Variants in PLXDC2 observed in about 807,000 individuals in gnomAD.
PLXDC2 encodes plexin domain containing 2.
A neutral mutation model predicts 68.9 loss-of-function variants in PLXDC2; 40 were observed. The ratio of observed to expected loss-of-function variants is 0.58; its 90% CI spans 0.45 to 0.76. The LOEUF (loss-of-function observed/expected upper bound fraction) is 0.76. Among genes scored for constraint, PLXDC2 ranks in the 30% least tolerant of loss-of-function variants. The pLI, the probability that PLXDC2 is intolerant of heterozygous loss-of-function variation, is 0.00. For missense variants in PLXDC2, 644 were observed against 661.9 expected (o/e 0.97, Z 0.30); for synonymous variants, 243 against 234.2 (o/e 1.04, Z -0.34).
chr10:19,841,462 A>G (rs1836903650), intron 1 of PLXDC2, among the ~76,000 whole-genome samples: 2 of 151,946 alleles, frequency 1.3e-5, no homozygotes, highest in South Asian at 4.1e-4. Context: ...GATACAAAAC[A>G]GTATATAGAA....
chr10:20,164,114 G>T (rs1177505729), intron 6 of PLXDC2, among the ~76,000 whole-genome samples: 1 of 151,976 alleles, frequency 6.6e-6, no homozygotes, highest in East Asian at 1.9e-4. Flanking sequence ...ATAGTAAGAG[G>T]AAAATCTGTT....
intron 7 of PLXDC2, among the ~76,000 whole-genome samples, chr10:20,175,857 T>C (rs1834519752): frequency 6.6e-6 from 1 of 152,070 alleles, no homozygotes; most frequent in African/African-American, 2.4e-5. Flanking sequence ...ATAGCCCCAC[T>C]AATTACTGAT....
intron 13 of PLXDC2, among the ~76,000 whole-genome samples, chr10:20,248,319 A>G (rs1835627731): frequency 6.6e-6 from 1 of 152,164 alleles, no homozygotes. Context: ...TGGAGTGTTT[A>G]CATGTGTATA....
intron 13 of PLXDC2, among the ~76,000 whole-genome samples, chr10:20,252,185 C>G (rs1195942209): frequency 1.3e-5 from 2 of 152,136 alleles, no homozygotes; most frequent in Non-Finnish European, 2.9e-5. Context: ...TGGAGAAATA[C>G]AGAGTATAGA....
intron 1 of PLXDC2, among the ~76,000 whole-genome samples, chr10:19,880,488 C>T (rs1025427746): frequency 7.9e-5 from 12 of 152,310 alleles, no homozygotes; most frequent in African/African-American, 2.9e-4. Flanking sequence ...TGCAATCTCT[C>T]TCTTTCTCTC....
intron 9 of PLXDC2, among the ~76,000 whole-genome samples, chr10:20,183,783 G>A (rs981813277): frequency 2.0e-5 from 3 of 152,000 alleles, no homozygotes; most frequent in African/African-American, 7.2e-5. Context: ...CATTTTGGCT[G>A]TTACTATCCA....
intron 6 of PLXDC2, among the ~76,000 whole-genome samples, chr10:20,161,832 G>A (rs576906051): frequency 8.5e-5 from 13 of 152,054 alleles, no homozygotes; most frequent in Admixed American, 3.9e-4. Context: ...AGGAGTTCAA[G>A]ACCATCCTGA....
At chr10:20,215,350 A>G (rs911367780) in intron 10 of PLXDC2, among the ~76,000 whole-genome samples, 15 of 152,132 alleles carry the variant, frequency 9.9e-5, no homozygotes, top group Non-Finnish European at 2.2e-4. Context: ...CAAGATTGTC[A>G]TAAAAGGGAA....
At chr10:20,004,607 G>A (rs890146386) in intron 2 of PLXDC2, among the ~76,000 whole-genome samples, 1 of 152,138 alleles carries the variant, frequency 6.6e-6, no homozygotes, top group Non-Finnish European at 1.5e-5. Flanking sequence ...CAAAAAATCT[G>A]CACCCCCTAA....
intron 7 of PLXDC2, among the ~76,000 whole-genome samples, chr10:20,172,197 A>G (rs1009705207): frequency 6.8e-6 from 1 of 146,372 alleles, no homozygotes; most frequent in African/African-American, 2.5e-5. Context: ...ACCCAATTCA[A>G]TTTAATGAAG....
At chr10:19,915,111 C>G (rs1355703999) in intron 1 of PLXDC2, among the ~76,000 whole-genome samples, 1 of 152,126 alleles carries the variant, frequency 6.6e-6, no homozygotes, top group Admixed American at 6.6e-5. Flanking sequence ...AACATTTACA[C>G]TTAATAAAAT....
At chr10:19,996,400 A>G (rs1450270779) in intron 1 of PLXDC2, among the ~76,000 whole-genome samples, 3 of 152,248 alleles carry the variant, frequency 2.0e-5, no homozygotes, top group Non-Finnish European at 2.9e-5. Flanking sequence ...TGGGCTACAA[A>G]GTGAGACCCC....
chr10:19,939,023 G>T (rs977994347), intron 1 of PLXDC2, among the ~76,000 whole-genome samples: 17 of 152,182 alleles, frequency 1.1e-4, no homozygotes, highest in Non-Finnish European at 1.9e-4. Context: ...TTCAGAGCCA[G>T]TTGTATATAA....
At chr10:19,853,180 CT>C (rs940467403) in intron 1 of PLXDC2, among the ~76,000 whole-genome samples, 44 of 152,238 alleles carry the variant, frequency 2.9e-4, no homozygotes, top group African/African-American at 9.4e-4. Context: ...TTATCTGAAA[CT>C]GTAGGACTTA....
At position 20,275,334 on chromosome 10, in the gene PLXDC2, C is replaced by G. The variant is rs527406036; in HGVS notation, c.1474-4369C>G. 5.9e-5 allele frequency among the ~76,000 whole-genome samples: 9 copies of G among 152,238 alleles called. No homozygotes were observed. In the South Asian group the frequency reaches 1.9e-3, roughly 32 times the overall value. On this transcript the variant is annotated intron_variant, in intron 13 of 13. Coordinates refer to ENST00000377252, the MANE Select transcript of PLXDC2 (RefSeq NM_032812.9). ...GGGAGCCTGTGAGAAACACAGACCC[C>G]CTAGGCCTCTCTGAGATCTATTGAA...
intron 13 of PLXDC2, among the ~76,000 whole-genome samples, chr10:20,272,206 C>A (rs1835949415): frequency 6.6e-6 from 1 of 150,626 alleles, no homozygotes; most frequent in African/African-American, 2.5e-5. Context: ...GGTTTTCTAA[C>A]CTGTGGCTTT....
intron 1 of PLXDC2, among the ~76,000 whole-genome samples, chr10:19,937,558 A>ATT (rs1833745839): frequency 5.8e-5 from 5 of 85,792 alleles, no homozygotes; most frequent in African/African-American, 2.2e-4. Context: ...ATATATATAT[A>ATT]TATATATATA....
chr10:20,090,036 C>G (rs921653106), intron 4 of PLXDC2, among the ~76,000 whole-genome samples: 1 of 152,026 alleles, frequency 6.6e-6, no homozygotes, highest in Non-Finnish European at 1.5e-5. Flanking sequence ...CCAGTGGCAC[C>G]GCAGAGTGTC....
At chr10:19,944,829 G>A (rs1833875155) in intron 1 of PLXDC2, among the ~76,000 whole-genome samples, 1 of 152,156 alleles carries the variant, frequency 6.6e-6, no homozygotes, top group Non-Finnish European at 1.5e-5. Context: ...GTGGGCACCT[G>A]TAATCCCAGC....
Sources: gnomAD v4.1 joint callset for allele counts (sites outside exome capture counted in the v4.1 genomes callset) on GRCh38, gnomAD v4.1.1 for gene constraint, MANE v1.5 for transcripts, NCBI Gene and HGNC (gene_info 2026-07-23, HGNC 2026-07-21) for gene names.